TSC22D3: variants seen among roughly 807,000 people sequenced by gnomAD.
TSC22D3 encodes TSC22 domain family member 3.
TSC22D3 carries 4 observed loss-of-function variants against 11.1 expected under a neutral mutation model. The ratio of observed to expected loss-of-function variants is 0.36; its 90% CI spans 0.18 to 0.83. The LOEUF (loss-of-function observed/expected upper bound fraction) is 0.83, where lower values mean the gene tolerates loss of function less well. Ranked by LOEUF, TSC22D3 falls within the 40% of genes least tolerant of loss-of-function variation. TSC22D3 has a pLI of 0.48. For missense variants in TSC22D3, 118 were observed against 159.4 expected (o/e 0.74, Z 1.40); for synonymous variants, 77 against 70.3 (o/e 1.10, Z -0.48).
chrX:107,713,689 G>C lies in TSC22D3; in HGVS notation c.*830C>G, dbSNP rs944132117. ...GGCCCCCCTCCTTGCCTTTACTCTC[G>C]AGTCTTACTTAACCTAAAAGACAAA... On this transcript the variant is annotated 3_prime_UTR_variant, in exon 3 of 3. Transcript: ENST00000372383. 1 of 111,452 alleles carries C rather than the reference G, an allele frequency of 9.0e-6. No homozygotes were observed. The highest frequency in any genetic ancestry group is 3.3e-5 in the African/African-American group (1 of 30,432). The allele number at this position is 111,452 out of a possible 1,213,427, so 9.2% of individuals were successfully genotyped here. A position where few individuals can be genotyped will look rare whatever the true frequency, so the allele number is the denominator to read the frequency against.
intron 1 of TSC22D3, among the ~76,000 whole-genome samples, chrX:107,747,007 AG>A (rs1486035326): frequency 8.9e-6 from 1 of 112,991 alleles, no homozygotes; most frequent in East Asian, 2.7e-4. Context: ...GACTGCCAAA[AG>A]CTTCTAAGAT....
At chrX:107,737,084 C>G (rs902383878) in intron 1 of TSC22D3, among the ~76,000 whole-genome samples, 1 of 111,644 alleles carries the variant, frequency 9.0e-6, no homozygotes, top group African/African-American at 3.3e-5. Flanking sequence ...CCTCCTGGGC[C>G]GGTCTCTCTC....
At chrX:107,754,830 A>C (rs909736184) in intron 1 of TSC22D3, among the ~76,000 whole-genome samples, 1 of 112,311 alleles carries the variant, frequency 8.9e-6, no homozygotes, top group Non-Finnish European at 1.9e-5. Flanking sequence ...AGAGATTGCA[A>C]ATTTTTTTTC....
Position 107,775,328 on chromosome X carries a change from C to T in TSC22D3, c.92G>A (p.Arg31Gln). ...GTTGTTGTTCTCCCCGCTGCTGCCT[C>T]GCTGGAGCCCACTCCGATGGGCCAG... is the stretch of plus-strand genomic sequence containing the variant. ...LDLAHRSGLQ[R>Q]GSSGENNNPG... The change falls in exon 1 of 3, where the codon CGA (arginine) becomes CAA (glutamine). Residue 31 changes from arginine (R) to glutamine (Q), a missense_variant. Physicochemically the swap from Arg to Gln is conservative, Grantham distance 43. Transcript: ENST00000372383. The T allele has an allele frequency of 1.7e-6, 2 of 1,210,853 alleles. No individual in the cohort carries two copies. Among genetic ancestry groups the T allele is most frequent in the Non-Finnish European group, 2.2e-6 (2 of 895,018 alleles).
intron 1 of TSC22D3, among the ~76,000 whole-genome samples, chrX:107,743,629 C>T (rs148573766): frequency 0.013 from 1,493 of 112,456 alleles, 22 homozygotes; most frequent in African/African-American, 0.046. Context: ...GACCCCTTTA[C>T]TTGTCAATAG....
At chrX:107,758,867 C>T (rs1929298241) in intron 1 of TSC22D3, among the ~76,000 whole-genome samples, 1 of 110,955 alleles carries the variant, frequency 9.0e-6, no homozygotes, top group Non-Finnish European at 1.9e-5. Flanking sequence ...CGTTCCAAGC[C>T]CATCATCCTT....
chrX:107,751,979 G>T (rs1385272692), intron 1 of TSC22D3, among the ~76,000 whole-genome samples: 2 of 112,481 alleles, frequency 1.8e-5, no homozygotes, highest in Non-Finnish European at 3.7e-5. Context: ...ACTACAAGCT[G>T]TTTACACCTC....
rs1927323706 is a variant in TSC22D3, at chrX:107,721,456, C to T, written c.321-5506G>A. Reference sequence around the variant, plus strand: ...CCCTGATGGCGTTGGACAGCAGATTCAGGGCGGGTGCGGTAGGTTGGGGGT... The same window carrying T: ...CCCTGATGGCGTTGGACAGCAGATTTAGGGCGGGTGCGGTAGGTTGGGGGT... On this transcript the variant is annotated intron_variant, in intron 1 of 2. Coordinates refer to ENST00000372383, the MANE Select transcript of TSC22D3 (RefSeq NM_198057.3). 2.7e-5 allele frequency among the ~76,000 whole-genome samples: 3 copies of T among 111,931 alleles called. No individual in the cohort carries two copies. The South Asian group carries it at 1.1e-3, about 42-fold the overall frequency.
chrX:107,730,784 G>A (rs1401343812), intron 1 of TSC22D3, among the ~76,000 whole-genome samples: 2 of 112,412 alleles, frequency 1.8e-5, no homozygotes, highest in African/African-American at 6.5e-5. Flanking sequence ...AAACTGTGAA[G>A]TAGGAGTCTG....
chrX:107,742,053 CT>C (rs1416540436), intron 1 of TSC22D3, among the ~76,000 whole-genome samples: 2 of 110,302 alleles, frequency 1.8e-5, no homozygotes, highest in African/African-American at 6.6e-5. Context: ...TCTTTCTTTC[CT>C]TTTTTTAAGC....
rs967219345 is a variant in TSC22D3, at chrX:107,767,014, A to G, written c.320+8086T>C. 5.9e-4 allele frequency among the ~76,000 whole-genome samples: 66 copies of G among 111,015 alleles called. 1 individual carries two copies. The highest frequency in any genetic ancestry group is 1.1e-4 in the Non-Finnish European group (6 of 52,926). On this transcript the variant is annotated intron_variant, in intron 1 of 2. Transcript: ENST00000372383. Reference sequence around the variant, plus strand: ...GGGTGTCTTGGGAGTGGGGTAAGCCAGGAAGGAGCTGCTGGAGTCGCTTCC... The same window carrying G: ...GGGTGTCTTGGGAGTGGGGTAAGCCGGGAAGGAGCTGCTGGAGTCGCTTCC...
At chrX:107,728,184 G>A (rs1296803901) in intron 1 of TSC22D3, among the ~76,000 whole-genome samples, 2 of 111,995 alleles carry the variant, frequency 1.8e-5, no homozygotes, top group South Asian at 3.7e-4. Flanking sequence ...GGTTATGTAT[G>A]TGTTAGGACT....
At chrX:107,719,181 C>T (rs1384708389) in intron 1 of TSC22D3, among the ~76,000 whole-genome samples, 1 of 111,778 alleles carries the variant, frequency 8.9e-6, no homozygotes, top group African/African-American at 3.3e-5. Flanking sequence ...AAACAGGGCA[C>T]AGGACAGAAG....
chrX:107,755,169 C>T (rs192251587), intron 1 of TSC22D3, among the ~76,000 whole-genome samples: 111 of 112,081 alleles, frequency 9.9e-4, no homozygotes, highest in African/African-American at 3.1e-3. Context: ...AAAGTAAGAC[C>T]GACAAGGGAT....
chrX:107,738,503 C>T (rs1312684326), intron 1 of TSC22D3, among the ~76,000 whole-genome samples: 7 of 112,812 alleles, frequency 6.2e-5, no homozygotes, highest in Admixed American at 9.3e-5. Flanking sequence ...CACCAGACCC[C>T]GCTGCCGCTC....
At chrX:107,716,223 A>C in intron 1 of TSC22D3, 3 of 853,460 alleles carry the variant, frequency 3.5e-6, no homozygotes, top group African/African-American at 2.0e-5. Flanking sequence ...CGCGCAGGCC[A>C]CCGTGGCCTG....
chrX:107,754,571 G>C (rs1929086725), intron 1 of TSC22D3, among the ~76,000 whole-genome samples: 1 of 111,976 alleles, frequency 8.9e-6, no homozygotes, highest in African/African-American at 3.3e-5. Flanking sequence ...TATGTGGGTA[G>C]GCAGCTAAGA....
chrX:107,742,985 G>A (rs931859221), intron 1 of TSC22D3, among the ~76,000 whole-genome samples: 16 of 111,671 alleles, frequency 1.4e-4, no homozygotes, highest in African/African-American at 4.6e-4. Context: ...TGGTGAGGCC[G>A]CCCAGGGAGA....
intron 1 of TSC22D3, among the ~76,000 whole-genome samples, chrX:107,773,626 CAA>C (rs1389146318): frequency 1.8e-5 from 2 of 112,047 alleles, no homozygotes; most frequent in African/African-American, 6.5e-5. Context: ...TTATTTTAGA[CAA>C]TGAGATAATT....
Sources: allele counts gnomAD v4.1 joint callset (sites outside exome capture counted in the v4.1 genomes callset), GRCh38; gene constraint gnomAD v4.1.1; transcripts MANE v1.5; gene names NCBI Gene and HGNC (gene_info 2026-07-23, HGNC 2026-07-21).